Variants in ARHGAP17 observed in about 807,000 individuals in gnomAD.
ARHGAP17 encodes the protein Rho GTPase activating protein 17.
In ARHGAP17, 57 loss-of-function variants were observed where a neutral mutation model predicts 99.5. The ratio of observed to expected loss-of-function variants is 0.57; its 90% confidence interval spans 0.46 to 0.71. The LOEUF (loss-of-function observed/expected upper bound fraction) is 0.71. Among genes scored for constraint, ARHGAP17 ranks in the 30% least tolerant of loss-of-function variants. The probability of loss-of-function intolerance (pLI) is 0.00; values close to 1 mark genes in which losing one functional copy is unlikely to be tolerated. For synonymous variants in ARHGAP17, 417 were observed against 429.6 expected (o/e 0.97, Z 0.36); for missense variants, 1,000 against 1,122.4 (o/e 0.89, Z 1.56).
intron 1 of ARHGAP17, among the ~76,000 whole-genome samples, chr16:25,002,348 C>T (rs1314208770): frequency 2.0e-5 from 3 of 152,140 alleles, no homozygotes; most frequent in African/African-American, 7.2e-5. Flanking sequence ...CCAGTCACCG[C>T]CCAAGGCTGC....
intron 10 of ARHGAP17, among the ~76,000 whole-genome samples, chr16:24,954,388 T>C (rs1386068437): frequency 6.6e-6 from 1 of 152,200 alleles, no homozygotes; most frequent in Non-Finnish European, 1.5e-5. Context: ...AAAACCTTTG[T>C]TTCATTCATA....
At position 24,939,473 on chromosome 16, in the gene ARHGAP17, C is replaced by T. The variant is rs1341105791; in HGVS notation, c.1615G>A (p.Gly539Ser). ...PTDGSTVVPA[G>S]PEPPPQSSRA... Reference sequence around the variant, plus strand: ...GAGCTCTGGGGAGGGGGCTCTGGGCCAGCGGGCACCACGGTGCTGCCATCT... The same window carrying T: ...GAGCTCTGGGGAGGGGGCTCTGGGCTAGCGGGCACCACGGTGCTGCCATCT... Residue 539 changes from glycine to serine, a missense_variant, in exon 17 of 20, where the codon GGC becomes AGC. By Grantham distance (56) the Gly-to-Ser change is moderately conservative (BLOSUM62 0). Coordinates refer to ENST00000289968, the MANE Select transcript of ARHGAP17 (RefSeq NM_001006634.3). The T allele has an allele frequency of 6.2e-7, 1 of 1,610,860 alleles. No individual in the cohort carries two copies. The highest frequency in any genetic ancestry group is 1.3e-5 in the African/African-American group (1 of 74,912).
intron 14 of ARHGAP17, among the ~76,000 whole-genome samples, chr16:24,946,922 G>A (rs1597388304): frequency 6.6e-6 from 1 of 152,218 alleles, no homozygotes; most frequent in South Asian, 2.1e-4. Context: ...TCCAATGTCA[G>A]ACATGACACT....
chr16:24,954,531 G>A (rs565779617), intron 10 of ARHGAP17, 72 bp downstream of exon 10: 87 of 1,538,944 alleles, frequency 5.7e-5, no homozygotes, highest in East Asian at 5.5e-4. Flanking sequence ...GGGGGCTGGC[G>A]GGGAGCATGG....
At chr16:24,941,763 G>A (rs767409750) in intron 16 of ARHGAP17, 29 of 576,126 alleles carry the variant, frequency 5.0e-5, no homozygotes, top group Non-Finnish European at 6.7e-5. Flanking sequence ...AAGTTAAGCT[G>A]GAATACACGT....
intron 1 of ARHGAP17, among the ~76,000 whole-genome samples, chr16:24,997,325 A>G (rs1255990922): frequency 6.6e-6 from 1 of 150,762 alleles, no homozygotes; most frequent in African/African-American, 2.5e-5. Context: ...CAAGGCGCCC[A>G]GTACACACCC....
intron 1 of ARHGAP17, among the ~76,000 whole-genome samples, chr16:24,989,856 G>GA (rs2052985272): frequency 6.6e-6 from 1 of 152,204 alleles, no homozygotes; most frequent in African/African-American, 2.4e-5. Flanking sequence ...TAGAGGCTGG[G>GA]AAGCATAGGG....
intron 12 of ARHGAP17, among the ~76,000 whole-genome samples, chr16:24,949,903 C>G (rs2051583980): frequency 6.6e-6 from 1 of 152,190 alleles, no homozygotes; most frequent in Admixed American, 6.5e-5. Flanking sequence ...GCACCCAGAC[C>G]TCTGGGTCTT....
intron 6 of ARHGAP17, 85 bp downstream of exon 6, chr16:24,968,263 GAGC>G (rs1172928592): frequency 6.8e-7 from 1 of 1,466,994 alleles, no homozygotes; most frequent in Non-Finnish European, 9.5e-7. Flanking sequence ...ACGAATTGGT[GAGC>G]ACTTCCATTG....
intron 1 of ARHGAP17, among the ~76,000 whole-genome samples, chr16:24,983,497 T>G (rs1278838060): frequency 1.3e-5 from 2 of 150,214 alleles, no homozygotes; most frequent in African/African-American, 4.9e-5. Context: ...TAGAGATGGA[T>G]TCTCACTACA....
At chr16:24,975,000 A>G (rs2052472809) in intron 3 of ARHGAP17, among the ~76,000 whole-genome samples, 1 of 152,168 alleles carries the variant, frequency 6.6e-6, no homozygotes, top group South Asian at 2.1e-4. Flanking sequence ...AAAACAAACA[A>G]ACAATTAGCC....
At chr16:24,925,848 C>T (rs998048908) in intron 19 of ARHGAP17, among the ~76,000 whole-genome samples, 7 of 152,076 alleles carry the variant, frequency 4.6e-5, no homozygotes, top group African/African-American at 7.2e-5. Flanking sequence ...TGGTGGCTCA[C>T]GCCTGTAATC....
intron 18 of ARHGAP17, among the ~76,000 whole-genome samples, chr16:24,931,614 C>G (rs1313049656): frequency 1.3e-5 from 2 of 152,174 alleles, no homozygotes; most frequent in Middle Eastern, 3.4e-3. Flanking sequence ...AAATTGAAGG[C>G]CTTTCTTCAA....
intron 1 of ARHGAP17, among the ~76,000 whole-genome samples, chr16:24,995,456 G>A (rs553249893): frequency 6.6e-6 from 1 of 152,342 alleles, no homozygotes; most frequent in East Asian, 1.9e-4. Context: ...AGAGGGAAGA[G>A]AGAGCAGGGA....
At chr16:24,967,023 T>C (rs767832871) in intron 6 of ARHGAP17, among the ~76,000 whole-genome samples, 2 of 152,210 alleles carry the variant, frequency 1.3e-5, no homozygotes, top group Non-Finnish European at 2.9e-5. Flanking sequence ...GAGCACCTAA[T>C]TGATATCAGT....
chr16:24,990,410 C>T lies in ARHGAP17; in HGVS notation c.54-11405G>A, dbSNP rs146113232. 8.7e-3 allele frequency among the ~76,000 whole-genome samples: 1,321 copies of T among 151,878 alleles called. 7 individuals are homozygous for T. Among genetic ancestry groups the T allele is most frequent in the Non-Finnish European group, 0.013 (877 of 67,968 alleles). On this transcript the variant is annotated intron_variant, in intron 1 of 19. Coordinates refer to ENST00000289968, the MANE Select transcript of ARHGAP17 (RefSeq NM_001006634.3). ...TTGAAGTGGGAGGATTGTTTGAGCC[C>T]AGGAGGTCAAGACTTCAGTGAGCCA...
At chr16:24,991,641 G>T (rs985671812) in intron 1 of ARHGAP17, among the ~76,000 whole-genome samples, 1 of 152,208 alleles carries the variant, frequency 6.6e-6, no homozygotes, top group Admixed American at 6.5e-5. Flanking sequence ...AGTAAACCCT[G>T]CATCAGAAGC....
rs2053760520 is a variant in ARHGAP17 at position 25,015,360 on chromosome 16, G to T, written c.-99C>A. The T allele has an allele frequency of 8.9e-7, 1 of 1,128,504 alleles. No homozygotes were observed. Among genetic ancestry groups the T allele is most frequent in the Admixed American group, 4.4e-5 (1 of 22,512 alleles). 69.9% of individuals were successfully genotyped at this position (1,128,504 alleles called of 1,614,324 possible). A position where few individuals can be genotyped will look rare whatever the true frequency, so the allele number is the denominator to read the frequency against. On this transcript the variant is annotated 5_prime_UTR_variant, in exon 1 of 20. Coordinates refer to ENST00000289968, the MANE Select transcript of ARHGAP17 (RefSeq NM_001006634.3). ...GCTTCCCGGCCCAAACGGCGGCGCG[G>T]CGGTGGCTCCCCGGGCCGGCGGCCC... is the stretch of plus-strand genomic sequence containing the variant.
At position 24,920,162 on chromosome 16, in the gene ARHGAP17, T is replaced by C. The variant is rs1373146240; in HGVS notation, c.2614A>G (p.Ile872Val). 1 of 1,614,016 alleles carries C rather than the reference T, an allele frequency of 6.2e-7. No individual in the cohort carries two copies. The highest frequency in any genetic ancestry group is 8.5e-7 in the Non-Finnish European group (1 of 1,180,008). The change falls in exon 20 of 20, where the codon ATA becomes GTA. Residue 872 changes from isoleucine (I) to valine (V), a missense_variant. Around this residue, in one of 2 missense-constraint regions of ARHGAP17, gnomAD observed 528 missense variants for 511.4 expected, o/e 1.03. Transcript: ENST00000289968. ...GCAGTGCTCTCGGTATCATTGTCTA[T>C]ATCCAGCAGGATGCGGCCAGGCACG... ...KDVPGRILLD[I>V]DNDTESTAL
Sources: allele counts gnomAD v4.1 joint callset (sites outside exome capture counted in the v4.1 genomes callset), GRCh38; gene constraint gnomAD v4.1.1; regional missense constraint gnomAD v4.1.1; transcripts MANE v1.5; gene names NCBI Gene and HGNC (gene_info 2026-07-23, HGNC 2026-07-21).